UPRT: variants seen among roughly 807,000 people sequenced by gnomAD.
UPRT encodes uracil phosphoribosyltransferase homolog, also known as RP11-311P8.3.
Under a neutral mutation model 22.6 loss-of-function variants are expected in UPRT, and 5 were observed. The ratio of observed to expected loss-of-function variants is 0.22; its 90% CI spans 0.12 to 0.47. UPRT has a LOEUF of 0.47. Among genes scored for constraint, UPRT ranks in the 20% least tolerant of loss-of-function variants. The probability of loss-of-function intolerance (pLI) is 0.99; values close to 1 mark genes in which losing one functional copy is unlikely to be tolerated. For synonymous variants in UPRT, 77 were observed against 87.7 expected (o/e 0.88, Z 0.68); for missense variants, 181 against 239.9 (o/e 0.75, Z 1.62).
At chrX:75,211,251 G>A (rs1335285975) in intron 4 of UPRT, among the ~76,000 whole-genome samples, 1 of 110,954 alleles carries the variant, frequency 9.0e-6, no homozygotes, top group South Asian at 3.9e-4. Flanking sequence ...GTGAGTACCC[G>A]AATTCCTCCG....
intron 4 of UPRT, among the ~76,000 whole-genome samples, chrX:75,195,781 G>T (rs900986426): frequency 8.9e-6 from 1 of 111,879 alleles, no homozygotes. Flanking sequence ...CCCACTTTCA[G>T]TGTCTTCCTC....
At chrX:75,172,501 T>C (rs1050464152) in intron 4 of UPRT, among the ~76,000 whole-genome samples, 2 of 111,916 alleles carry the variant, frequency 1.8e-5, no homozygotes, top group Non-Finnish European at 1.9e-5. Flanking sequence ...TTGCCCAGGC[T>C]ACCAGCCTCC....
intron 4 of UPRT, among the ~76,000 whole-genome samples, chrX:75,220,840 T>C (rs186311267): frequency 6.3e-4 from 71 of 112,060 alleles, no homozygotes; most frequent in Non-Finnish European, 8.7e-4. Flanking sequence ...CTACTTAAGA[T>C]ATAAATAGTT....
rs138034381 is a variant in UPRT, at chrX:75,194,758, G to A, written c.-447+26879G>A. Among the ~76,000 whole-genome samples the A allele has an allele frequency of 3.0e-3, 331 of 111,419 alleles. 1 individual carries two copies. Among genetic ancestry groups the A allele is most frequent in the African/African-American group, 9.8e-3 (300 of 30,654 alleles). On this transcript the variant is annotated intron_variant, in intron 4 of 13. Coordinates refer to the UPRT transcript ENST00000652605. ...TAGTTTCTCACCAACAAAAGTGTTT[G>A]TGTAGGGCCAAGGTGCTGGCAGGTG...
chrX:75,294,258 A>T (rs956642975), intron 2 of UPRT, among the ~76,000 whole-genome samples: 1 of 111,126 alleles, frequency 9.0e-6, no homozygotes, highest in African/African-American at 3.3e-5. Flanking sequence ...AGTTTAATGT[A>T]TATTTATATT....
intron 4 of UPRT, among the ~76,000 whole-genome samples, chrX:75,239,847 A>C (rs2082482676): frequency 1.8e-5 from 2 of 111,529 alleles, no homozygotes; most frequent in Admixed American, 9.6e-5. Flanking sequence ...AAAAGCAAAA[A>C]TCATACCATC....
At chrX:75,181,804 G>T (rs2082271199) in intron 4 of UPRT, among the ~76,000 whole-genome samples, 1 of 111,758 alleles carries the variant, frequency 8.9e-6, no homozygotes, top group African/African-American at 3.3e-5. Context: ...GGGATAGTTT[G>T]AATTCCTCTC....
chrX:75,234,187 G>T (rs1386553046), intron 4 of UPRT, among the ~76,000 whole-genome samples: 3 of 111,385 alleles, frequency 2.7e-5, no homozygotes, highest in African/African-American at 9.8e-5. Flanking sequence ...AAGAGACAAA[G>T]AAGGCCATTA....
At chrX:75,187,089 C>T (rs890226817) in intron 4 of UPRT, among the ~76,000 whole-genome samples, 4 of 111,178 alleles carry the variant, frequency 3.6e-5, no homozygotes, top group Non-Finnish European at 7.5e-5. Context: ...TTATTTTGCT[C>T]GTTAGTTGAT....
intron 6 of UPRT, among the ~76,000 whole-genome samples, chrX:75,302,750 T>C (rs963475601): frequency 9.0e-6 from 1 of 111,057 alleles, no homozygotes; most frequent in African/African-American, 3.3e-5. Flanking sequence ...TACTTTTCCC[T>C]ACCTATTCCC....
At chrX:75,178,563 T>C (rs1413438574) in intron 4 of UPRT, among the ~76,000 whole-genome samples, 1 of 111,319 alleles carries the variant, frequency 9.0e-6, no homozygotes, top group Non-Finnish European at 1.9e-5. Flanking sequence ...GTCTGTCCTT[T>C]TTGATGTTCA....
Position 75,225,108 on chromosome X carries a change from A to G in UPRT, c.-447+57229A>G, listed in dbSNP as rs768870265. On this transcript the variant is annotated intron_variant, in intron 4 of 13. Transcript: ENST00000652605. The stretch of plus-strand genomic sequence containing the variant: ...CTTCTGATGTGGAACCACTGCCTCA[A>G]AAATCAAGGAAAGGGCTATTGGGTC... Among the ~76,000 whole-genome samples, 4 of 111,002 alleles carry G rather than the reference A, an allele frequency of 3.6e-5. No individual in the cohort carries two copies. In the South Asian group the frequency reaches 1.5e-3, roughly 43 times the overall value.
At chrX:75,297,159 T>A (rs2082728699) in intron 3 of UPRT, among the ~76,000 whole-genome samples, 1 of 111,695 alleles carries the variant, frequency 9.0e-6, no homozygotes, top group Non-Finnish European at 1.9e-5. Flanking sequence ...CAGTTTGAAT[T>A]GATGGGGTAT....
intron 4 of UPRT, among the ~76,000 whole-genome samples, chrX:75,185,541 G>A (rs1250689335): frequency 8.9e-6 from 1 of 112,144 alleles, no homozygotes; most frequent in Non-Finnish European, 1.9e-5. Flanking sequence ...CTCATAAAAT[G>A]AGTTAGGGAG....
chrX:75,209,454 A>G (rs1381448352), intron 4 of UPRT, among the ~76,000 whole-genome samples: 1 of 111,842 alleles, frequency 8.9e-6, no homozygotes, highest in African/African-American at 3.3e-5. Context: ...GCTCACTGCA[A>G]CTTCTGCCTC....
chrX:75,303,729 A>T lies in UPRT; in HGVS notation c.*218A>T. On this transcript the variant is annotated 3_prime_UTR_variant, in exon 7 of 7. Coordinates refer to ENST00000373383, the MANE Select transcript of UPRT (RefSeq NM_145052.4). Reference sequence around the variant, plus strand: ...TATATGCAACTCTTACAAAACATAAATTTTAATAATATTCTAATGCAAATT... The same window carrying T: ...TATATGCAACTCTTACAAAACATAATTTTTAATAATATTCTAATGCAAATT... The T allele has an allele frequency of 3.7e-6, 1 of 267,433 alleles. No individual in the cohort carries two copies. Among genetic ancestry groups the T allele is most frequent in the Non-Finnish European group, 6.5e-6 (1 of 153,553 alleles). The allele number at this position is 267,433 out of a possible 1,213,427, so 22.0% of individuals were successfully genotyped here. A position where few individuals can be genotyped will look rare whatever the true frequency, so the allele number is the denominator to read the frequency against.
intron 4 of UPRT, among the ~76,000 whole-genome samples, chrX:75,188,218 C>T (rs752410612): frequency 9.0e-5 from 10 of 111,405 alleles, no homozygotes; most frequent in African/African-American, 1.3e-4. Flanking sequence ...ATGTCCTTTC[C>T]GTTTGTCAAT....
At chrX:75,290,248 A>G (rs1477893026) in intron 1 of UPRT, among the ~76,000 whole-genome samples, 1 of 112,117 alleles carries the variant, frequency 8.9e-6, no homozygotes, top group Non-Finnish European at 1.9e-5. Context: ...CAAAACCACA[A>G]TGAAATACCA....
chrX:75,223,758 C>T (rs1395761295), intron 4 of UPRT, among the ~76,000 whole-genome samples: 2 of 111,596 alleles, frequency 1.8e-5, no homozygotes, highest in African/African-American at 6.5e-5. Flanking sequence ...ACTGTATTTC[C>T]TACCCTCTTC....
Sources: allele counts gnomAD v4.1 joint callset (sites outside exome capture counted in the v4.1 genomes callset), GRCh38; gene constraint gnomAD v4.1.1; transcripts MANE v1.5; gene names NCBI Gene and HGNC (gene_info 2026-07-23, HGNC 2026-07-21).